Variants in CYB561 observed in about 807,000 individuals in gnomAD.
The protein encoded by CYB561 is cytochrome b561.
In CYB561, 11 loss-of-function variants were observed where a neutral mutation model predicts 25.3. The ratio of observed to expected loss-of-function variants is 0.44; its 90% confidence interval spans 0.27 to 0.72. The LOEUF (loss-of-function observed/expected upper bound fraction) is 0.72, where lower values mean the gene tolerates loss of function less well. Ranked by LOEUF, CYB561 falls within the 30% of genes least tolerant of loss-of-function variation. The probability of loss-of-function intolerance (pLI) is 0.18; values close to 1 mark genes in which losing one functional copy is unlikely to be tolerated. For missense variants in CYB561, 295 were observed against 334.9 expected, an observed-to-expected ratio of 0.88 and a Z score of 0.93; for synonymous variants, 165 against 158.8, an observed-to-expected ratio of 1.04 and a Z score of -0.29.
At chr17:63,437,970 G>GGCCCCCCCCCCCC in intron 1 of CYB561, 35 of 643,022 alleles carry the variant, frequency 5.4e-5, no homozygotes, top group Middle Eastern at 4.8e-4. Flanking sequence ...TCCCACGGCG[G>GGCCCCCCCCCCCC]CCCCGCCACC....
At chr17:63,442,708 A>G (rs189930062) in intron 1 of CYB561, 1 of 152,242 alleles carries the variant, frequency 6.6e-6, no homozygotes, top group East Asian at 1.9e-4. Context: ...AGGGTGACAG[A>G]TCTCTGGCAG....
chr17:63,442,108 G>A (rs961056510), intron 1 of CYB561, among the ~76,000 whole-genome samples: 1 of 152,202 alleles, frequency 6.6e-6, no homozygotes, highest in Non-Finnish European at 1.5e-5. Context: ...CAAAGGCGAG[G>A]CTTCAAAATC....
chr17:63,441,832 C>G (rs1264052639), intron 1 of CYB561, among the ~76,000 whole-genome samples: 4 of 152,228 alleles, frequency 2.6e-5, no homozygotes, highest in Admixed American at 2.6e-4. Flanking sequence ...GCGGTGCCCC[C>G]CCTCCTGTGC....
chr17:63,438,431 G>A (rs1749264536), intron 1 of CYB561: 1 of 527,988 alleles, frequency 1.9e-6, no homozygotes, highest in African/African-American at 1.9e-5. Flanking sequence ...CCACACCCAG[G>A]AGAGCCAGCC....
rs1476594674 is a variant in CYB561, at chr17:63,436,305, C to T, written c.203-153G>A. Among the ~76,000 whole-genome samples the T allele has an allele frequency of 1.3e-5, 2 of 152,114 alleles. No individual in the cohort carries two copies. The highest frequency in any genetic ancestry group is 2.9e-5 in the Non-Finnish European group (2 of 67,996). ...AGGAACCGGAGGAGAAAGCCAGGTT[C>T]CCTGGGGACCCTGGGCAGCTCCTGG... On this transcript the variant is annotated intron_variant, in intron 2 of 5. Transcript: ENST00000360793. This position sits in a 1 kb window ranked among gnomAD's most constrained non-coding sequence, Gnocchi z 4.8.
At chr17:63,435,612 C>T (rs1179413478) in intron 4 of CYB561, 76 bp downstream of exon 4, 1 of 1,166,842 alleles carries the variant, frequency 8.6e-7, no homozygotes, top group Non-Finnish European at 1.3e-6. Flanking sequence ...CCATGAGGTA[C>T]ATTTCAGCCC....
chr17:63,446,607 G>A (rs1329481505), upstream of CYB561, among the ~76,000 whole-genome samples: 1 of 152,094 alleles, frequency 6.6e-6, no homozygotes, highest in South Asian at 2.1e-4. Context: ...CGAGGGCCGC[G>A]GGATTCGTCC....
chr17:63,438,172 T>C (rs1263668244), intron 1 of CYB561: 1 of 1,535,574 alleles, frequency 6.5e-7, no homozygotes, highest in South Asian at 1.2e-5. Flanking sequence ...CAAGGAAAGA[T>C]ACCCCAAATT....
chr17:63,438,436 C>T, intron 1 of CYB561: 1 of 501,940 alleles, frequency 2.0e-6, no homozygotes, highest in Non-Finnish European at 3.6e-6. Flanking sequence ...CCCAGGAGAG[C>T]CAGCCCCGCT....
In CYB561 at chr17:63,435,774, C is replaced by T. The variant is rs766550269; in HGVS notation, c.319G>A (p.Asp107Asn). 9.6e-5 allele frequency: 155 copies of T among 1,614,026 alleles called. No homozygotes were observed. Among genetic ancestry groups the T allele is most frequent in the African/African-American group, 1.5e-4 (11 of 74,924 alleles). Residue 107 changes from aspartate (D) to asparagine (N), a missense_variant, in exon 4 of 6, where the codon GAC becomes AAC. By Grantham distance (23) the Asp-to-Asn change is conservative. Coordinates refer to ENST00000360793, the MANE Select transcript of CYB561 (RefSeq NM_001915.4). The stretch of plus-strand genomic sequence containing the variant: ...GCGTAGCCCTTCTTCCTGTGGTAGT[C>T]GAACACCGCCACCAAGCCTGGGCCA... ...IALVGLVAVF[D>N]YHRKKGYADL...
At chr17:63,440,595 G>A (rs941983523) in intron 1 of CYB561, 17 of 206,120 alleles carry the variant, frequency 8.2e-5, no homozygotes, top group African/African-American at 3.2e-4. Flanking sequence ...TAGAGGAGAC[G>A]CCTGGGCTCA....
chr17:63,441,039 C>T lies in CYB561; in HGVS notation c.-13-3479G>A, dbSNP rs553384343. The stretch of plus-strand genomic sequence containing the variant: ...TGGAGTACAAAGGGCAGGAGAGGCC[C>T]GCAGAGCGAGGGGCCGCTGCCCACT... On this transcript the variant is annotated intron_variant, in intron 1 of 5. Transcript: ENST00000360793. 9.8e-5 allele frequency among the ~76,000 whole-genome samples: 15 copies of T among 152,288 alleles called. No individual in the cohort carries two copies. In the South Asian group the frequency reaches 2.5e-3, roughly 25 times the overall value.
At position 63,434,064 on chromosome 17, in the gene CYB561, T is replaced by C. The variant is rs1466659521; in HGVS notation, c.*338A>G. 7.3e-6 allele frequency: 2 copies of C among 275,052 alleles called. No homozygotes were observed. The highest frequency in any genetic ancestry group is 1.0e-4 in the Admixed American group (2 of 19,694). The allele number at this position is 275,052 out of a possible 1,614,324, so 17.0% of individuals were successfully genotyped here. On this transcript the variant is annotated 3_prime_UTR_variant, in exon 6 of 6. Transcript: ENST00000360793. Reference sequence around the variant, plus strand: ...GTTTCCCCTGGCCTTGCCCCAGGCATCTGCTGCCAGGAGGGTGGGGCCTCC... The same window carrying C: ...GTTTCCCCTGGCCTTGCCCCAGGCACCTGCTGCCAGGAGGGTGGGGCCTCC...
intron 1 of CYB561, among the ~76,000 whole-genome samples, chr17:63,442,605 T>TC (rs2049385545): frequency 6.6e-6 from 1 of 152,054 alleles, no homozygotes; most frequent in African/African-American, 2.4e-5. Context: ...CCCCAAGGGC[T>TC]CCACTGCCCT....
chr17:63,437,993 T>G (rs1358296037), intron 1 of CYB561: 62 of 252,100 alleles, frequency 2.5e-4, no homozygotes, highest in Non-Finnish European at 3.5e-4. Flanking sequence ...CCCCCGAGGC[T>G]CCCGCTGGAA....
In CYB561 at chr17:63,440,142, G is replaced by A. The variant is rs148872344; in HGVS notation, c.-13-2582C>T. The stretch of plus-strand genomic sequence containing the variant: ...CTACACGGGTATCAGTTCTGTCCCC[G>A]CCACCCCAAATTCAAGCCCCATTTC... On this transcript the variant is annotated intron_variant, in intron 1 of 5. Transcript: ENST00000360793. 2.3e-3 allele frequency: 933 copies of A among 398,388 alleles called. 12 individuals carry two copies. Among genetic ancestry groups the A allele is most frequent in the African/African-American group, 0.017 (847 of 48,624 alleles). 24.7% of individuals were successfully genotyped at this position (398,388 alleles called of 1,614,324 possible). A position where few individuals can be genotyped will look rare whatever the true frequency, so the allele number is the denominator to read the frequency against.
At chr17:63,441,828 C>CA (rs1277587050) in intron 1 of CYB561, among the ~76,000 whole-genome samples, 2 of 152,154 alleles carry the variant, frequency 1.3e-5, no homozygotes, top group African/African-American at 4.8e-5. Flanking sequence ...CCGGGCGGTG[C>CA]CCCCCCTCCT....
intron 1 of CYB561, among the ~76,000 whole-genome samples, chr17:63,444,701 T>A (rs1229157810): frequency 6.6e-6 from 1 of 152,226 alleles, no homozygotes; most frequent in Admixed American, 6.5e-5. Flanking sequence ...CATTGTATAT[T>A]CCCAAAATTC....
chr17:63,437,093 C>T lies in CYB561; in HGVS notation c.202+253G>A. On this transcript the variant is annotated intron_variant, in intron 2 of 5. Transcript: ENST00000360793. ...CCTTTCCCTCTGCTGCAAGAAGTGC[C>T]CGCCTTGGATGCTGTGTGTGGAAAC... 5.6e-6 allele frequency: 3 copies of T among 536,592 alleles called. No homozygotes were observed. In the East Asian group the frequency reaches 9.2e-5, roughly 17 times the overall value. The allele number at this position is 536,592 out of a possible 1,614,324, so 33.2% of individuals were successfully genotyped here. A position where few individuals can be genotyped will look rare whatever the true frequency, so the allele number is the denominator to read the frequency against.
Sources: gnomAD v4.1 joint callset for allele counts (sites outside exome capture counted in the v4.1 genomes callset) on GRCh38, gnomAD v4.1.1 for gene constraint, Gnocchi (gnomAD v3.1) non-coding constraint, MANE v1.5 for transcripts, NCBI Gene and HGNC (gene_info 2026-07-23, HGNC 2026-07-21) for gene names.